The following CTNNBL1 variants were observed in gnomAD, a reference collection of about 807,000 sequenced individuals.
CTNNBL1 encodes beta-catenin-like protein 1.
CTNNBL1 carries 31 observed loss-of-function variants against 72.7 expected under a neutral mutation model. The observed-to-expected ratio is 0.43, with a 90% CI of 0.32 to 0.58. The LOEUF (loss-of-function observed/expected upper bound fraction) is 0.58. Among genes scored for constraint, CTNNBL1 ranks in the 20% least tolerant of loss-of-function variants. CTNNBL1 has a pLI of 0.08. For missense variants in CTNNBL1, 534 were observed against 725.1 expected, an observed-to-expected ratio of 0.74 and a Z score of 3.03; for synonymous variants, 240 against 267.3, an observed-to-expected ratio of 0.90 and a Z score of 1.00.
chr20:37,864,969 A>G (rs1431815475), intron 15 of CTNNBL1, among the ~76,000 whole-genome samples: 1 of 152,146 alleles, frequency 6.6e-6, no homozygotes, highest in Admixed American at 6.5e-5. Context: ...GGTAACAAGG[A>G]AACTGAGACT....
Position 37,815,076 on chromosome 20 carries a change from AGTGTGTGT to A in CTNNBL1, c.1213+12051_1213+12058del, listed in dbSNP as rs11474436. ...CAAACACTATGTTAGGGACTCTGTGAGTGTGTGTGTGTGTGTGTGTGTGTGTGTGTAAT... is the reference window on the plus strand; with the variant it reads ...CAAACACTATGTTAGGGACTCTGTGAGTGTGTGTGTGTGTGTGTGTGTAAT... On this transcript the variant is annotated intron_variant, in intron 11 of 15. Coordinates refer to ENST00000361383, the MANE Select transcript of CTNNBL1 (RefSeq NM_030877.5). 2.3e-4 allele frequency among the ~76,000 whole-genome samples: 34 copies of A among 147,392 alleles called. No homozygotes were observed. In the East Asian group the frequency reaches 4.2e-3, roughly 18 times the overall value.
In CTNNBL1 at chr20:37,871,975, G is replaced by A. The variant is rs1201435886; in HGVS notation, c.1654G>A (p.Glu552Lys). Residue 552 changes from glutamate to lysine, a missense_variant, in exon 16 of 16, where the codon GAG becomes AAG. By Grantham distance (56) the Glu-to-Lys change is moderately conservative (BLOSUM62 1). Coordinates refer to ENST00000361383, the MANE Select transcript of CTNNBL1 (RefSeq NM_030877.5). ...DGRSPEFREN[E>K]QKRILGLLEN... ...CCGGAGCCCGGAGTTCCGGGAGAACGAGCAAAAGCGCATCCTGGGCTTGCT... is the reference window on the plus strand; with the variant it reads ...CCGGAGCCCGGAGTTCCGGGAGAACAAGCAAAAGCGCATCCTGGGCTTGCT... 6.8e-6 allele frequency: 11 copies of A among 1,614,112 alleles called. No individual in the cohort carries two copies. Among genetic ancestry groups the A allele is most frequent in the East Asian group, 2.2e-5 (1 of 44,886 alleles).
chr20:37,793,962 G>A (rs1304926530), intron 10 of CTNNBL1, among the ~76,000 whole-genome samples: 1 of 151,918 alleles, frequency 6.6e-6, no homozygotes, highest in African/African-American at 2.4e-5. Context: ...TGTATTTTTA[G>A]TAGAGACGGG....
chr20:37,711,382 T>A (rs2072936530), intron 1 of CTNNBL1, among the ~76,000 whole-genome samples: 1 of 151,860 alleles, frequency 6.6e-6, no homozygotes, highest in Non-Finnish European at 1.5e-5. Flanking sequence ...TCATTTGGAT[T>A]AGTGCTCCAT....
At chr20:37,813,089 C>T (rs897071657) in intron 11 of CTNNBL1, among the ~76,000 whole-genome samples, 4 of 152,206 alleles carry the variant, frequency 2.6e-5, no homozygotes, top group Non-Finnish European at 5.9e-5. Context: ...CATCTGGAAT[C>T]TCATTGAAAA....
At chr20:37,829,562 C>T (rs938165518) in intron 11 of CTNNBL1, among the ~76,000 whole-genome samples, 1 of 152,158 alleles carries the variant, frequency 6.6e-6, no homozygotes, top group Non-Finnish European at 1.5e-5. Context: ...AACCTCATTA[C>T]TTTTCATCCT....
At chr20:37,864,868 T>C (rs2072524186) in intron 15 of CTNNBL1, among the ~76,000 whole-genome samples, 1 of 151,814 alleles carries the variant, frequency 6.6e-6, no homozygotes, top group African/African-American at 2.4e-5. Flanking sequence ...GTAGGTAGAG[T>C]AGTCACTTAC....
intron 4 of CTNNBL1, among the ~76,000 whole-genome samples, chr20:37,754,256 A>G (rs2073344791): frequency 6.7e-6 from 1 of 148,694 alleles, no homozygotes; most frequent in African/African-American, 2.5e-5. Flanking sequence ...TTCTATAGAC[A>G]TCTTATTTAT....
chr20:37,785,982 AAC>A (rs2073670027), intron 10 of CTNNBL1, among the ~76,000 whole-genome samples: 1 of 152,192 alleles, frequency 6.6e-6, no homozygotes, highest in Non-Finnish European at 1.5e-5. Flanking sequence ...CAAGCTCAGT[AAC>A]ACTCTGGCTC....
chr20:37,838,266 A>G (rs1298507582), intron 11 of CTNNBL1, among the ~76,000 whole-genome samples: 2 of 152,156 alleles, frequency 1.3e-5, no homozygotes, highest in Admixed American at 6.5e-5. Context: ...TGGCTGCTCT[A>G]TGGAGATTAG....
intron 15 of CTNNBL1, among the ~76,000 whole-genome samples, chr20:37,871,561 G>A (rs536886995): frequency 1.3e-5 from 2 of 152,254 alleles, no homozygotes; most frequent in Admixed American, 1.3e-4. Flanking sequence ...TAATTAGATG[G>A]TAAGAACCTA....
At chr20:37,788,174 T>C (rs778140129) in intron 10 of CTNNBL1, among the ~76,000 whole-genome samples, 15 of 152,214 alleles carry the variant, frequency 9.9e-5, no homozygotes, top group Non-Finnish European at 2.1e-4. Flanking sequence ...GGTGCTAGCA[T>C]CCTTTGCTGC....
intron 11 of CTNNBL1, among the ~76,000 whole-genome samples, chr20:37,832,621 C>A (rs1274885299): frequency 6.6e-6 from 1 of 152,164 alleles, no homozygotes; most frequent in Non-Finnish European, 1.5e-5. Flanking sequence ...CACTTGTTGG[C>A]ATGTCTGGAG....
intron 1 of CTNNBL1, among the ~76,000 whole-genome samples, chr20:37,730,420 A>G (rs998326924): frequency 6.6e-6 from 1 of 152,214 alleles, no homozygotes; most frequent in Non-Finnish European, 1.5e-5. Flanking sequence ...TAGTACCATT[A>G]TGGTTTAGAG....
chr20:37,871,090 C>T (rs540069434), intron 15 of CTNNBL1, among the ~76,000 whole-genome samples: 55 of 152,226 alleles, frequency 3.6e-4, no homozygotes, highest in Admixed American at 8.5e-4. Context: ...GGTTCTCAAA[C>T]TGGAGCATAC....
chr20:37,767,621 G>C (rs1284278774), intron 6 of CTNNBL1, among the ~76,000 whole-genome samples: 1 of 152,162 alleles, frequency 6.6e-6, no homozygotes, highest in East Asian at 1.9e-4. Context: ...ATGGGTTTCT[G>C]GGACTCATTA....
intron 13 of CTNNBL1, among the ~76,000 whole-genome samples, chr20:37,854,656 T>A (rs984401277): frequency 6.6e-6 from 1 of 151,452 alleles, no homozygotes; most frequent in African/African-American, 2.4e-5. Flanking sequence ...TGGCGTGATC[T>A]TGGCTCCCTG....
chr20:37,704,054 G>A (rs1010358080), intron 1 of CTNNBL1, among the ~76,000 whole-genome samples: 2 of 152,164 alleles, frequency 1.3e-5, no homozygotes, highest in African/African-American at 4.8e-5. Flanking sequence ...TGGGATTACA[G>A]GCATGAGCCA....
At chr20:37,708,360 TG>T (rs1476634548) in intron 1 of CTNNBL1, among the ~76,000 whole-genome samples, 1 of 151,988 alleles carries the variant, frequency 6.6e-6, no homozygotes, top group Non-Finnish European at 1.5e-5. Flanking sequence ...TTTGTAGAGA[TG>T]GGGTTTTGGC....
Sources: gnomAD v4.1 joint callset for allele counts (sites outside exome capture counted in the v4.1 genomes callset) on GRCh38, gnomAD v4.1.1 for gene constraint, MANE v1.5 for transcripts, NCBI Gene and HGNC (gene_info 2026-07-23, HGNC 2026-07-21) for gene names.